CNTN1: variants seen among roughly 807,000 people sequenced by gnomAD.
The protein encoded by CNTN1 is contactin-1.
In CNTN1, 38 loss-of-function variants were observed where a neutral mutation model predicts 126.4. The ratio of observed to expected loss-of-function variants is 0.30; its 90% CI spans 0.23 to 0.39. CNTN1 has a LOEUF of 0.39. Ranked by LOEUF, CNTN1 falls within the 10% of genes least tolerant of loss-of-function variation. The probability of loss-of-function intolerance (pLI) is 1.00; values close to 1 mark genes in which losing one functional copy is unlikely to be tolerated. For missense variants in CNTN1, 1,009 were observed against 1,248.4 expected, an observed-to-expected ratio of 0.81 and a Z score of 2.89; for synonymous variants, 413 against 422.6, an observed-to-expected ratio of 0.98 and a Z score of 0.28.
chr12:40,942,833 A>G (rs1946304105), intron 12 of CNTN1, among the ~76,000 whole-genome samples: 1 of 152,142 alleles, frequency 6.6e-6, no homozygotes, highest in African/African-American at 2.4e-5. Flanking sequence ...TTATTTTCTT[A>G]TATGAAGATT....
chr12:40,977,340 C>T (rs11179279), intron 15 of CNTN1, among the ~76,000 whole-genome samples: 2,565 of 152,182 alleles, frequency 0.017, 75 homozygotes, highest in African/African-American at 0.059. Flanking sequence ...GTAAATGCTT[C>T]TTATTAGACT....
At chr12:41,043,929 C>T (rs1316508052) in intron 23 of CNTN1, among the ~76,000 whole-genome samples, 1 of 136,784 alleles carries the variant, frequency 7.3e-6, no homozygotes, top group Non-Finnish European at 1.5e-5. Context: ...TGTTCTCACT[C>T]ATAGGTGGGA....
At chr12:40,816,596 C>T (rs1283259977) in intron 1 of CNTN1, among the ~76,000 whole-genome samples, 2 of 151,630 alleles carry the variant, frequency 1.3e-5, no homozygotes, top group African/African-American at 4.9e-5. Context: ...AAAAACATCC[C>T]CTGAATTCAT....
chr12:40,855,299 T>C (rs1377038689), intron 1 of CNTN1, among the ~76,000 whole-genome samples: 1 of 152,152 alleles, frequency 6.6e-6, no homozygotes, highest in East Asian at 1.9e-4. Context: ...CAGCATATTG[T>C]AAATTTTGCC....
intron 1 of CNTN1, among the ~76,000 whole-genome samples, chr12:40,816,508 A>G (rs1465330836): frequency 1.3e-5 from 2 of 151,354 alleles, no homozygotes; most frequent in African/African-American, 4.9e-5. Flanking sequence ...CCCCTTTACC[A>G]CTTTTTATTG....
chr12:40,859,707 G>A (rs556080477), intron 1 of CNTN1, among the ~76,000 whole-genome samples: 1 of 152,166 alleles, frequency 6.6e-6, no homozygotes, highest in Admixed American at 6.6e-5. Flanking sequence ...AGAATTTTGA[G>A]ATCTTACAAT....
chr12:40,945,419 A>T (rs1214239565), intron 14 of CNTN1, among the ~76,000 whole-genome samples: 1 of 152,088 alleles, frequency 6.6e-6, no homozygotes, highest in African/African-American at 2.4e-5. Flanking sequence ...TTACTTTCTC[A>T]AAAAGTAGGC....
intron 23 of CNTN1, among the ~76,000 whole-genome samples, chr12:41,043,045 C>T (rs538492572): frequency 6.6e-6 from 1 of 152,104 alleles, no homozygotes; most frequent in Non-Finnish European, 1.5e-5. Flanking sequence ...ACCATAAAAA[C>T]CCTAGAAGAA....
intron 1 of CNTN1, among the ~76,000 whole-genome samples, chr12:40,828,742 A>G (rs564361384): frequency 4.9e-4 from 74 of 152,180 alleles, no homozygotes; most frequent in Non-Finnish European, 9.3e-4. Context: ...AAGCAGAGGA[A>G]AGCACCGAGG....
At chr12:40,938,627 G>A (rs1350518485) in intron 11 of CNTN1, among the ~76,000 whole-genome samples, 1 of 152,182 alleles carries the variant, frequency 6.6e-6, no homozygotes, top group Non-Finnish European at 1.5e-5. Flanking sequence ...ATGTGGTTTA[G>A]AGGATTGACT....
intron 17 of CNTN1, among the ~76,000 whole-genome samples, chr12:41,008,304 A>G (rs1443345519): frequency 6.6e-6 from 1 of 152,226 alleles, no homozygotes; most frequent in Non-Finnish European, 1.5e-5. Context: ...CAATCATAAC[A>G]GTAGGGTTTG....
chr12:40,747,018 G>A (rs747608859), intron 1 of CNTN1, among the ~76,000 whole-genome samples: 41 of 151,976 alleles, frequency 2.7e-4, no homozygotes, highest in African/African-American at 8.2e-4. Flanking sequence ...GGTGGGGTAC[G>A]GGGAGCCCTC....
intron 23 of CNTN1, among the ~76,000 whole-genome samples, chr12:41,051,180 C>T (rs1323327297): frequency 1.5e-5 from 2 of 135,234 alleles, no homozygotes; most frequent in South Asian, 2.3e-4. Context: ...CGGAGTCTTG[C>T]TCTGTCACCC....
intron 1 of CNTN1, among the ~76,000 whole-genome samples, chr12:40,790,239 C>A (rs1172600594): frequency 6.6e-6 from 1 of 152,072 alleles, no homozygotes; most frequent in East Asian, 1.9e-4. Context: ...CCAGCTGATG[C>A]CCCTTGCTTC....
At chr12:41,023,100 T>C (rs1948959817) in intron 20 of CNTN1, among the ~76,000 whole-genome samples, 1 of 152,084 alleles carries the variant, frequency 6.6e-6, no homozygotes, top group African/African-American at 2.4e-5. Flanking sequence ...AAGCCAATGG[T>C]TTAACAAGAT....
At chr12:40,762,791 C>T (rs1399529310) in intron 1 of CNTN1, among the ~76,000 whole-genome samples, 1 of 151,976 alleles carries the variant, frequency 6.6e-6, no homozygotes, top group Admixed American at 6.5e-5. Context: ...ATTATAGTGG[C>T]TAAGACAGGA....
chr12:40,737,154 T>A (rs1252890643), intron 1 of CNTN1, among the ~76,000 whole-genome samples: 1 of 151,688 alleles, frequency 6.6e-6, no homozygotes, highest in Non-Finnish European at 1.5e-5. Flanking sequence ...ATTTTTTATC[T>A]TCAAATAGTT....
chr12:40,776,668 G>A (rs918742969), intron 1 of CNTN1, among the ~76,000 whole-genome samples: 2 of 151,608 alleles, frequency 1.3e-5, no homozygotes, highest in African/African-American at 2.4e-5. Flanking sequence ...CTTAAGAAAG[G>A]AATAGTCTCT....
chr12:40,921,257 A>G (rs1183196838), intron 4 of CNTN1, among the ~76,000 whole-genome samples: 3 of 143,600 alleles, frequency 2.1e-5, no homozygotes, highest in Admixed American at 2.1e-4. Flanking sequence ...GGGCATGATT[A>G]TTACTCTAAT....
Sources: gnomAD v4.1 joint callset for allele counts (sites outside exome capture counted in the v4.1 genomes callset) on GRCh38, gnomAD v4.1.1 for gene constraint, MANE v1.5 for transcripts, NCBI Gene and HGNC (gene_info 2026-07-23, HGNC 2026-07-21) for gene names.